The following KRTAP4-7 variants were observed in gnomAD, a reference collection of about 807,000 sequenced individuals.
KRTAP4-7 encodes the protein keratin associated protein 4-7, also known as putative keratin-associated protein 4-X.
Under a neutral mutation model 3.0 loss-of-function variants are expected in KRTAP4-7, and 1 was observed. The ratio of observed to expected loss-of-function variants is 0.33; its 90% CI spans 0.12 to 1.57. KRTAP4-7 has a LOEUF of 1.57. KRTAP4-7 is among the 40% of genes most tolerant of loss of function. The pLI is 0.37. For missense variants in KRTAP4-7, 199 were observed against 209.1 expected, an observed-to-expected ratio of 0.95 and a Z score of 0.30; for synonymous variants, 70 against 74.6, an observed-to-expected ratio of 0.94 and a Z score of 0.32.
exon 1 of KRTAP4-7, chr17:41,084,349 G>A: frequency 1.2e-6 from 2 of 1,608,398 alleles, no homozygotes; most frequent in African/African-American, 1.3e-5. Flanking sequence ...TGTGTGTCCA[G>A]CTGCTGCAGG....
chr17:41,084,697 C>G, exon 1 of KRTAP4-7: 2 of 1,565,310 alleles, frequency 1.3e-6, no homozygotes, highest in Non-Finnish European at 1.7e-6. Flanking sequence ...GGCTCACGTC[C>G]CCCTTCACCA....
chr17:41,084,316 C>T, exon 1 of KRTAP4-7: 1 of 1,614,048 alleles, frequency 6.2e-7, no homozygotes, highest in African/African-American at 1.3e-5. Flanking sequence ...TGTTGCAGGA[C>T]CACCTGCTAC....
At position 41,084,178 on chromosome 17, in the gene KRTAP4-7, C is replaced by G. The variant is rs2013592362; in HGVS notation, c.-29C>G. The G allele has an allele frequency of 4.4e-6, 7 of 1,584,606 alleles. No individual in the cohort carries two copies. In the East Asian group the frequency reaches 1.6e-4, roughly 36 times the overall value. ...CCCAAGAACTTCACTCTCTTGGAAA[C>G]CCACCCAGATCCTCCCCGTTCTGAC... On this transcript the variant is annotated 5_prime_UTR_variant, in exon 1 of 1. Transcript: ENST00000391417.
exon 1 of KRTAP4-7, chr17:41,085,004 T>C (rs1056568764): frequency 1.3e-5 from 6 of 445,302 alleles, no homozygotes; most frequent in African/African-American, 9.9e-5. Flanking sequence ...GTGAGGTAGA[T>C]ATTATCTGCA....
exon 1 of KRTAP4-7, chr17:41,084,741 G>C: frequency 6.6e-7 from 1 of 1,511,958 alleles, no homozygotes; most frequent in Non-Finnish European, 8.9e-7. Flanking sequence ...CTACTGTGCT[G>C]ACCATTAGGA....
rs978028929 is a variant in KRTAP4-7, at chr17:41,084,694, G to C, written c.*20G>C. ...TGCTGAGCCCACTGCCCTGGCTCAC[G>C]TCCCCCTTCACCACTGGCCCACAGA... is the stretch of plus-strand genomic sequence containing the variant. On this transcript the variant is annotated 3_prime_UTR_variant, in exon 1 of 1. Transcript: ENST00000391417. The C allele has an allele frequency of 2.4e-5, 38 of 1,567,418 alleles. No homozygotes were observed. In the African/African-American group the frequency reaches 4.3e-4, roughly 18 times the overall value.
chr17:41,085,018 C>T (rs2013625533), exon 1 of KRTAP4-7: 1 of 400,256 alleles, frequency 2.5e-6, no homozygotes, highest in Non-Finnish European at 4.6e-6. Flanking sequence ...ATCTGCAGGA[C>T]CAGTTTTGTC....
exon 1 of KRTAP4-7, chr17:41,084,537 C>G (rs761991831): frequency 7.7e-7 from 1 of 1,292,790 alleles, no homozygotes; most frequent in Non-Finnish European, 1.1e-6. Context: ...CACCTGCTGC[C>G]GCCCCAGCTG....
At chr17:41,084,794 T>C (rs1166116124) in exon 1 of KRTAP4-7, 15 of 1,415,804 alleles carry the variant, frequency 1.1e-5, no homozygotes, top group Non-Finnish European at 1.4e-5. Context: ...ATGGACCTTA[T>C]GCTTCCAAAG....
rs2013610423 is a variant in KRTAP4-7 at position 41,084,538 on chromosome 17, GCCCCAGCTGCTGCCGCCCCTGCTGCTGCC to G, written c.333_361del (p.Pro112AlafsTer52). On this transcript the variant is annotated frameshift_variant, in exon 1 of 1. Coordinates refer to ENST00000391417, the Ensembl canonical transcript of KRTAP4-7. LOFTEE classifies it high-confidence loss of function. The stretch of plus-strand genomic sequence containing the variant: ...GTGTGCTGCCAGCCCACCTGCTGCC[GCCCCAGCTGCTGCCGCCCCTGCTGCTGCC>G]TGCGTCCAGTCTGTGGCCGAGTCTC... 1.1e-6 allele frequency: 1 copy of G among 925,178 alleles called. No individual in the cohort carries two copies. Among genetic ancestry groups the G allele is most frequent in the African/African-American group, 1.7e-5 (1 of 57,592 alleles). The allele number at this position is 925,178 out of a possible 1,614,324, so 57.3% of individuals were successfully genotyped here. A position where few individuals can be genotyped will look rare whatever the true frequency, so the allele number is the denominator to read the frequency against.
At chr17:41,085,071 G>A (rs1446086395) in exon 1 of KRTAP4-7, 4 of 270,570 alleles carry the variant, frequency 1.5e-5, no homozygotes, top group African/African-American at 4.5e-5. Context: ...ATTGTATTCT[G>A]TGTTTCTCCT....
exon 1 of KRTAP4-7, chr17:41,085,061 A>G (rs561330906): frequency 3.8e-5 from 11 of 291,208 alleles, no homozygotes; most frequent in African/African-American, 1.1e-4. Context: ...CAGCCACCCA[A>G]TTGTATTCTG....
At position 41,084,406 on chromosome 17, in the gene KRTAP4-7, C is replaced by A. The variant is rs574194386; in HGVS notation, c.200C>A (p.Pro67His). 33 of 1,420,378 alleles carry A rather than the reference C, an allele frequency of 2.3e-5. No individual in the cohort carries two copies. The East Asian group carries it at 8.8e-4, about 38-fold the overall frequency. The allele number at this position is 1,420,378 out of a possible 1,614,324, so 88.0% of individuals were successfully genotyped here. A position where few individuals can be genotyped will look rare whatever the true frequency, so the allele number is the denominator to read the frequency against. ...TGCTGCCAACCCACCTGCTGTCGCC[C>A]CACCTGCTGTGAGACGACCTGCTGC... is the stretch of plus-strand genomic sequence containing the variant. Residue 67 changes from proline to histidine, a missense_variant, in exon 1 of 1, where the codon CCC becomes CAC. Pro to His is a moderately conservative substitution (Grantham distance 77). Transcript: ENST00000391417.
At chr17:41,084,751 A>T in exon 1 of KRTAP4-7, 1 of 1,496,566 alleles carries the variant, frequency 6.7e-7, no homozygotes, top group Non-Finnish European at 9.0e-7. Flanking sequence ...GACCATTAGG[A>T]TACATGAAGT....
Position 41,084,537 on chromosome 17 carries a change from C to T in KRTAP4-7, c.331C>T (p.Arg111Cys), listed in dbSNP as rs761991831. ...TGTGTGCTGCCAGCCCACCTGCTGCCGCCCCAGCTGCTGCCGCCCCTGCTG... is the reference window on the plus strand; with the variant it reads ...TGTGTGCTGCCAGCCCACCTGCTGCTGCCCCAGCTGCTGCCGCCCCTGCTG... Residue 111 changes from arginine (R) to cysteine (C), a missense_variant, in exon 1 of 1, where the codon CGC (arginine) becomes TGC (cysteine). Arg to Cys is a radical substitution (Grantham distance 180). Coordinates refer to ENST00000391417, the Ensembl canonical transcript of KRTAP4-7. 9.3e-6 allele frequency: 12 copies of T among 1,292,790 alleles called. No individual in the cohort carries two copies. The highest frequency in any genetic ancestry group is 2.3e-4 in the Middle Eastern group (1 of 4,428). The allele number at this position is 1,292,790 out of a possible 1,614,324, so 80.1% of individuals were successfully genotyped here.
chr17:41,084,231 G>T lies in KRTAP4-7; in HGVS notation c.25G>T (p.Val9Leu), dbSNP rs574104902. The T allele has an allele frequency of 5.0e-6, 8 of 1,610,792 alleles. No homozygotes were observed. The South Asian group carries it at 7.7e-5, about 16-fold the overall frequency. ...CATGGTCAGCTCCTGTTGTGGCTCC[G>T]TGTGCTCTGACCAGGGCTGCAGCCA... Residue 9 changes from valine (V) to leucine (L), a missense_variant, in exon 1 of 1, where the codon GTG becomes TTG. Val to Leu is a conservative substitution (Grantham distance 32). Coordinates refer to ENST00000391417, the Ensembl canonical transcript of KRTAP4-7.
exon 1 of KRTAP4-7, chr17:41,084,796 C>T: frequency 7.2e-7 from 1 of 1,397,068 alleles, no homozygotes; most frequent in Admixed American, 2.6e-5. Flanking sequence ...GGACCTTATG[C>T]TTCCAAAGAG....
chr17:41,084,390 C>A, exon 1 of KRTAP4-7: 1 of 1,425,656 alleles, frequency 7.0e-7, no homozygotes, highest in South Asian at 1.3e-5. Context: ...GTGCTGCCAA[C>A]CCACCTGCTG....
chr17:41,084,424 C>T (rs758564263), exon 1 of KRTAP4-7: 1 of 1,411,432 alleles, frequency 7.1e-7, no homozygotes, highest in Non-Finnish European at 9.6e-7. Context: ...TGTGAGACGA[C>T]CTGCTGCCAC....
Sources: gnomAD v4.1 joint callset for allele counts on GRCh38, gnomAD v4.1.1 for gene constraint, MANE v1.5 for transcripts, NCBI Gene and HGNC (gene_info 2026-07-23, HGNC 2026-07-21) for gene names.